The following UST variants were observed in gnomAD, a reference collection of about 807,000 sequenced individuals.
UST encodes chondroitin sulfate 2-O-sulfotransferase.
A neutral mutation model predicts 45.6 loss-of-function variants in UST; 21 were observed. The ratio of observed to expected loss-of-function variants is 0.46; its 90% CI spans 0.33 to 0.66. UST has a LOEUF of 0.66. UST is among the 30% of genes least tolerant of loss of function. UST has a pLI of 0.02. For missense variants in UST, 463 were observed against 512.4 expected, an observed-to-expected ratio of 0.90 and a Z score of 0.93; for synonymous variants, 215 against 200.6, an observed-to-expected ratio of 1.07 and a Z score of -0.61.
chr6:149,043,722 C>T (rs951668800), intron 7 of UST, among the ~76,000 whole-genome samples: 3 of 152,256 alleles, frequency 2.0e-5, no homozygotes, highest in Non-Finnish European at 2.9e-5. Flanking sequence ...CAGGATGTGG[C>T]GCTGGCACTC....
At chr6:149,004,054 C>T (rs1781602149) in intron 5 of UST, among the ~76,000 whole-genome samples, 1 of 152,086 alleles carries the variant, frequency 6.6e-6, no homozygotes, top group Admixed American at 6.6e-5. Context: ...ATACTTTTGG[C>T]ACTTAGAAAA....
chr6:149,071,326 C>T (rs1448244537), intron 7 of UST, among the ~76,000 whole-genome samples: 8 of 152,120 alleles, frequency 5.3e-5, no homozygotes, highest in Non-Finnish European at 1.2e-4. Context: ...TCAGATGAGT[C>T]TGATTTTGGA....
chr6:148,870,392 C>A (rs1778527390), intron 1 of UST, among the ~76,000 whole-genome samples: 1 of 152,194 alleles, frequency 6.6e-6, no homozygotes, highest in African/African-American at 2.4e-5. Context: ...GTGCCCCAAT[C>A]CCTTTGGCAT....
At chr6:148,766,806 A>G (rs147705126) in intron 1 of UST, among the ~76,000 whole-genome samples, 184 of 152,328 alleles carry the variant, frequency 1.2e-3, no homozygotes, top group African/African-American at 4.3e-3. Flanking sequence ...GGTAATTCTA[A>G]TATGCAACCA....
chr6:149,028,203 C>T (rs1326646347), intron 7 of UST, among the ~76,000 whole-genome samples: 2 of 152,272 alleles, frequency 1.3e-5, no homozygotes, highest in East Asian at 1.9e-4. Context: ...TGCTAGACCC[C>T]CTCCTCCACT....
rs1775922860 is a variant in UST at position 148,748,447 on chromosome 6, GTGTGT to G, written c.247+771_247+775del. On this transcript the variant is annotated intron_variant, in intron 1 of 7. Coordinates refer to ENST00000367463, the MANE Select transcript of UST (RefSeq NM_005715.3). This position sits in a 1 kb window ranked among gnomAD's most constrained non-coding sequence, Gnocchi z 5.3. ...TGTGTGTGTGTGTGTGTGTGTGTGTGTGTGTGGTTTATTAGGAGAGAGGCCGCCTG... is the reference window on the plus strand; with the variant it reads ...TGTGTGTGTGTGTGTGTGTGTGTGTGGGTTTATTAGGAGAGAGGCCGCCTG... Among the ~76,000 whole-genome samples the G allele has an allele frequency of 2.2e-5, 3 of 134,448 alleles. No individual in the cohort carries two copies. The highest frequency in any genetic ancestry group is 7.6e-5 in the Admixed American group (1 of 13,126). 88.2% of individuals were successfully genotyped at this position (134,448 alleles called of 152,430 possible).
At chr6:148,870,104 T>TCACACACACACACACACACA (rs60229120) in intron 1 of UST, among the ~76,000 whole-genome samples, 4,674 of 141,352 alleles carry the variant, frequency 0.033, 116 homozygotes, top group Non-Finnish European at 0.035. Context: ...TGGTAATGTT[T>TCACACACACACACACACACA]CACACACACA....
intron 1 of UST, among the ~76,000 whole-genome samples, chr6:148,879,942 T>TTTTTCTTTTTTC (rs1451592077): frequency 6.8e-4 from 64 of 93,852 alleles, no homozygotes; most frequent in Middle Eastern, 4.6e-3. Context: ...TTCTTTTTTC[T>TTTTTCTTTTTTC]TTTTTTTTTC....
intron 3 of UST, among the ~76,000 whole-genome samples, chr6:148,950,560 G>C (rs545402027): frequency 1.3e-5 from 2 of 152,052 alleles, no homozygotes; most frequent in South Asian, 4.1e-4. Context: ...ATCCCATCTC[G>C]GATCACTGAA....
rs567674115 is a variant in UST, at chr6:148,982,045, C to T, written c.681+17482C>T. On this transcript the variant is annotated intron_variant, in intron 5 of 7. Coordinates refer to ENST00000367463, the MANE Select transcript of UST (RefSeq NM_005715.3). ...CTTCTGGAGGAGAAGCATGCTATGT[C>T]TTCACACTGAAAAAGGCAGAAGGGC... Among the ~76,000 whole-genome samples the T allele has an allele frequency of 2.6e-5, 4 of 151,712 alleles. No homozygotes were observed. In the East Asian group the frequency reaches 7.7e-4, roughly 29 times the overall value.
chr6:148,898,416 G>C (rs939515059), intron 2 of UST, among the ~76,000 whole-genome samples: 36 of 152,264 alleles, frequency 2.4e-4, no homozygotes, highest in African/African-American at 8.4e-4. Flanking sequence ...ACATAATAGG[G>C]TTATTGTTTT....
chr6:148,858,089 A>T (rs1222107604), intron 1 of UST, among the ~76,000 whole-genome samples: 1 of 152,216 alleles, frequency 6.6e-6, no homozygotes, highest in Non-Finnish European at 1.5e-5. Context: ...AGTGTTCTGT[A>T]GAGGCACAGA....
At chr6:149,008,402 G>A (rs1029140381) in intron 5 of UST, among the ~76,000 whole-genome samples, 6 of 152,104 alleles carry the variant, frequency 3.9e-5, no homozygotes, top group Admixed American at 3.9e-4. Flanking sequence ...GAGGTGGGTG[G>A]AACTCGCCCT....
chr6:148,784,950 C>G (rs1776709162), intron 1 of UST, among the ~76,000 whole-genome samples: 1 of 152,174 alleles, frequency 6.6e-6, no homozygotes, highest in Non-Finnish European at 1.5e-5. Flanking sequence ...TGGCTCGTGC[C>G]TGTAATCCCA....
At chr6:148,891,848 C>G (rs930607025) in intron 2 of UST, among the ~76,000 whole-genome samples, 3 of 152,196 alleles carry the variant, frequency 2.0e-5, no homozygotes, top group African/African-American at 7.2e-5. Flanking sequence ...ATGCAGTGAA[C>G]CTTTTCACAT....
Position 148,747,359 on chromosome 6 carries a change from G to C in UST, c.-72G>C. The C allele has an allele frequency of 7.4e-7, 1 of 1,360,248 alleles. No individual in the cohort carries two copies. The highest frequency in any genetic ancestry group is 9.5e-7 in the Non-Finnish European group (1 of 1,052,116). The allele number at this position is 1,360,248 out of a possible 1,614,324, so 84.3% of individuals were successfully genotyped here. A position where few individuals can be genotyped will look rare whatever the true frequency, so the allele number is the denominator to read the frequency against. ...TCCCCATGTGCAGCCGGCCAGCCGGGCTCTCCTCCTCGCGGCGGATGGGTG... is the reference window on the plus strand; with the variant it reads ...TCCCCATGTGCAGCCGGCCAGCCGGCCTCTCCTCCTCGCGGCGGATGGGTG... On this transcript the variant is annotated 5_prime_UTR_variant, in exon 1 of 8. Coordinates refer to ENST00000367463, the MANE Select transcript of UST (RefSeq NM_005715.3).
At chr6:148,970,560 G>C (rs1194666238) in intron 5 of UST, among the ~76,000 whole-genome samples, 1 of 152,190 alleles carries the variant, frequency 6.6e-6, no homozygotes, top group African/African-American at 2.4e-5. Flanking sequence ...CGGGGCAGGA[G>C]AACTGTGGGA....
chr6:148,964,674 G>GAGA, intron 5 of UST, 111 bp downstream of exon 5: 2 of 1,424,986 alleles, frequency 1.4e-6, no homozygotes, highest in Non-Finnish European at 1.9e-6. Flanking sequence ...CGCCTCCATG[G>GAGA]AGCGTGGCGC....
chr6:148,890,196 G>A (rs1400287832), intron 2 of UST, among the ~76,000 whole-genome samples: 1 of 152,194 alleles, frequency 6.6e-6, no homozygotes. Context: ...TTACTGGTAT[G>A]TGAACATCTT....
Sources: allele counts gnomAD v4.1 joint callset (sites outside exome capture counted in the v4.1 genomes callset), GRCh38; gene constraint gnomAD v4.1.1; non-coding constraint Gnocchi (gnomAD v3.1); transcripts MANE v1.5; gene names NCBI Gene and HGNC (gene_info 2026-07-23, HGNC 2026-07-21).